The following NTN4 variants were observed in gnomAD, a reference collection of about 807,000 sequenced individuals.
NTN4 encodes the protein netrin 4.
A neutral mutation model predicts 73.6 loss-of-function variants in NTN4; 32 were observed. The ratio of observed to expected loss-of-function variants is 0.44; its 90% CI spans 0.33 to 0.58. The LOEUF (loss-of-function observed/expected upper bound fraction) is 0.58. NTN4 is among the 20% of genes least tolerant of loss of function. NTN4 has a pLI of 0.04. For synonymous variants in NTN4, 258 were observed against 287.5 expected (o/e 0.90, Z 1.04); for missense variants, 654 against 798.3 (o/e 0.82, Z 2.18).
At chr12:95,786,578 C>T (rs763345107) in intron 2 of NTN4, among the ~76,000 whole-genome samples, 4 of 152,166 alleles carry the variant, frequency 2.6e-5, no homozygotes, top group Middle Eastern at 3.4e-3. Flanking sequence ...GGAAGATACC[C>T]GTGTGGGCTC....
intron 5 of NTN4, among the ~76,000 whole-genome samples, chr12:95,693,614 C>T (rs1202461628): frequency 1.3e-5 from 2 of 151,156 alleles, no homozygotes; most frequent in Admixed American, 6.6e-5. Flanking sequence ...CCCTGTAATC[C>T]CAAATACTCA....
chr12:95,720,535 T>G (rs1195186212), intron 3 of NTN4, among the ~76,000 whole-genome samples: 1 of 152,036 alleles, frequency 6.6e-6, no homozygotes, highest in Non-Finnish European at 1.5e-5. Context: ...AAACGTGTAT[T>G]TTTTTTTCAT....
Position 95,763,521 on chromosome 12 carries a change from A to C in NTN4, c.585+23418T>G, listed in dbSNP as rs549518307. On this transcript the variant is annotated intron_variant, in intron 2 of 9. Transcript: ENST00000343702. ...CTTCAAATATTTAAGGGCAGCCATC[A>C]ACTTAACTTCTATTCTCCAGGTAAA... Among the ~76,000 whole-genome samples, 44 of 152,318 alleles carry C rather than the reference A, an allele frequency of 2.9e-4. 1 individual carries two copies. Among genetic ancestry groups the C allele is most frequent in the Middle Eastern group, 6.8e-3 (2 of 294 alleles).
At chr12:95,757,345 G>C (rs1041025428) in intron 2 of NTN4, among the ~76,000 whole-genome samples, 1 of 152,174 alleles carries the variant, frequency 6.6e-6, no homozygotes, top group African/African-American at 2.4e-5. Flanking sequence ...CACCTAGCTA[G>C]TAAGTGGCAG....
chr12:95,703,964 G>A (rs955358811), intron 5 of NTN4, among the ~76,000 whole-genome samples: 3 of 152,152 alleles, frequency 2.0e-5, no homozygotes, highest in Non-Finnish European at 4.4e-5. Flanking sequence ...AAATTTCTCT[G>A]CTGCCCAGGC....
chr12:95,748,245 A>G (rs1257432143), intron 2 of NTN4, among the ~76,000 whole-genome samples: 1 of 83,178 alleles, frequency 1.2e-5, no homozygotes, highest in Admixed American at 1.1e-4. Flanking sequence ...AAAAAAAAAA[A>G]AAAGAAAAGA....
At chr12:95,742,433 A>G (rs1391615692) in intron 2 of NTN4, among the ~76,000 whole-genome samples, 1 of 152,152 alleles carries the variant, frequency 6.6e-6, no homozygotes, top group Non-Finnish European at 1.5e-5. Flanking sequence ...CAGAGCATCA[A>G]TACAGTGTGA....
chr12:95,698,058 G>C (rs2121043031), intron 5 of NTN4, among the ~76,000 whole-genome samples: 1 of 152,224 alleles, frequency 6.6e-6, no homozygotes, highest in South Asian at 2.1e-4. Context: ...CAGTATACAG[G>C]GGGGTGTGCA....
Position 95,757,976 on chromosome 12 carries a change from T to C in NTN4, c.586-19832A>G, listed in dbSNP as rs371653390. On this transcript the variant is annotated intron_variant, in intron 2 of 9. Transcript: ENST00000343702. ...AACTGATTGAAGAATTTTGGCAGTTTATTCATTCATCAGTTGATGGATAGT... is the reference window on the plus strand; with the variant it reads ...AACTGATTGAAGAATTTTGGCAGTTCATTCATTCATCAGTTGATGGATAGT... Among the ~76,000 whole-genome samples, 7 of 152,298 alleles carry C rather than the reference T, an allele frequency of 4.6e-5. No individual in the cohort carries two copies. The South Asian group carries it at 1.5e-3, about 32-fold the overall frequency.
rs370099810 is a variant in NTN4, at chr12:95,736,139, G to C, written c.864+1727C>G. Among the ~76,000 whole-genome samples the C allele has an allele frequency of 4.6e-5, 7 of 151,950 alleles. No homozygotes were observed. In the East Asian group the frequency reaches 1.2e-3, roughly 25 times the overall value. On this transcript the variant is annotated intron_variant, in intron 3 of 9. Transcript: ENST00000343702. Reference sequence around the variant, plus strand: ...TTTTTAGTAGAGATGGGGTTTTGCTGTGTTGGCCAGGCTGGTCTGGAACTC... The same window carrying C: ...TTTTTAGTAGAGATGGGGTTTTGCTCTGTTGGCCAGGCTGGTCTGGAACTC...
intron 8 of NTN4, among the ~76,000 whole-genome samples, chr12:95,666,797 ATTC>A (rs1198503695): frequency 6.6e-6 from 1 of 152,228 alleles, no homozygotes; most frequent in Non-Finnish European, 1.5e-5. Flanking sequence ...ACTACTTAAT[ATTC>A]TTCTCCTGGA....
intron 2 of NTN4, among the ~76,000 whole-genome samples, chr12:95,756,682 G>C (rs561118671): frequency 1.3e-5 from 2 of 152,070 alleles, no homozygotes; most frequent in Non-Finnish European, 2.9e-5. Flanking sequence ...ACCTCTGGTG[G>C]AAATTGCCTG....
intron 2 of NTN4, among the ~76,000 whole-genome samples, chr12:95,756,868 CCT>C (rs2078950808): frequency 6.6e-6 from 1 of 151,950 alleles, no homozygotes; most frequent in South Asian, 2.1e-4. Flanking sequence ...ACTTGCCACA[CCT>C]CTCTGTCATT....
At chr12:95,768,122 A>G (rs908664282) in intron 2 of NTN4, among the ~76,000 whole-genome samples, 1 of 152,182 alleles carries the variant, frequency 6.6e-6, no homozygotes, top group Non-Finnish European at 1.5e-5. Context: ...ATAGCTATTG[A>G]ATATGTCAGG....
intron 3 of NTN4, among the ~76,000 whole-genome samples, chr12:95,737,318 G>A (rs1281503826): frequency 6.6e-6 from 1 of 152,104 alleles, no homozygotes; most frequent in Non-Finnish European, 1.5e-5. Context: ...GTCTCCTGGG[G>A]GATGCAGAGA....
At chr12:95,741,471 ATATC>A (rs1375511773) in intron 2 of NTN4, among the ~76,000 whole-genome samples, 11 of 99,826 alleles carry the variant, frequency 1.1e-4, no homozygotes, top group Non-Finnish European at 1.7e-4. Flanking sequence ...ATATATATAT[ATATC>A]TCCTCCATGC....
At chr12:95,726,215 T>C (rs2078692962) in intron 3 of NTN4, among the ~76,000 whole-genome samples, 1 of 152,214 alleles carries the variant, frequency 6.6e-6, no homozygotes, top group South Asian at 2.1e-4. Context: ...CACCATCTAA[T>C]TCCACAGCAT....
At position 95,670,992 on chromosome 12, in the gene NTN4, A is replaced by ATATATT. The variant is rs2078225168; in HGVS notation, c.1511-847_1511-846insAATATA. ...TGTATGTATGTATGTATGTATGTATATATTTATTTATTTATTTATCTATCG... is the reference window on the plus strand; with the variant it reads ...TGTATGTATGTATGTATGTATGTATATATATTTATTTATTTATTTATTTATCTATCG... On this transcript the variant is annotated intron_variant, in intron 7 of 9. Transcript: ENST00000343702. 4 of 63,088 alleles carry ATATATT rather than the reference A, an allele frequency of 6.3e-5. No homozygotes were observed. The South Asian group carries it at 1.7e-3, about 27-fold the overall frequency. 3.9% of individuals were successfully genotyped at this position (63,088 alleles called of 1,614,324 possible).
At chr12:95,696,295 T>C (rs1419805017) in intron 5 of NTN4, among the ~76,000 whole-genome samples, 1 of 152,134 alleles carries the variant, frequency 6.6e-6, no homozygotes, top group Non-Finnish European at 1.5e-5. Context: ...TCCACGGGGA[T>C]AGAGACAATT....
Sources: allele counts gnomAD v4.1 joint callset (sites outside exome capture counted in the v4.1 genomes callset), GRCh38; gene constraint gnomAD v4.1.1; transcripts MANE v1.5; gene names NCBI Gene and HGNC (gene_info 2026-07-23, HGNC 2026-07-21).